The following AGBL4 variants were observed in gnomAD, a reference collection of about 807,000 sequenced individuals.
AGBL4 encodes cytosolic carboxypeptidase 6.
AGBL4 carries 58 observed loss-of-function variants against 66.4 expected under a neutral mutation model. That is an observed-to-expected ratio of 0.87 (90% CI 0.71 to 1.09). The LOEUF is 1.09. Ranked by LOEUF, AGBL4 falls within the 50% of genes least tolerant of loss-of-function variation. The pLI is 0.00. For synonymous variants in AGBL4, 234 were observed against 222.9 expected (o/e 1.05, Z -0.44); for missense variants, 579 against 631.0 (o/e 0.92, Z 0.88).
At chr1:48,697,944 T>C (rs1014650610) in intron 6 of AGBL4, among the ~76,000 whole-genome samples, 1 of 152,236 alleles carries the variant, frequency 6.6e-6, no homozygotes, top group Non-Finnish European at 1.5e-5. Context: ...AGCCTGACTC[T>C]GGTCACAACT....
Position 48,631,871 on chromosome 1 carries a change from A to G in AGBL4, c.951+2622T>C, listed in dbSNP as rs114250792. ...CAGGACAGTAGGTATAAACCAGGAA[A>G]GCCAAGACTTATGACCATTCTACCT... On this transcript the variant is annotated intron_variant, in intron 9 of 13. Transcript: ENST00000371839. Among the ~76,000 whole-genome samples, 1,025 of 152,286 alleles carry G rather than the reference A, an allele frequency of 6.7e-3. 11 individuals carry two copies. The highest frequency in any genetic ancestry group is 0.034 in the Middle Eastern group (10 of 294).
chr1:48,830,723 T>C (rs1310619704), intron 6 of AGBL4, among the ~76,000 whole-genome samples: 1 of 152,210 alleles, frequency 6.6e-6, no homozygotes, highest in Non-Finnish European at 1.5e-5. Flanking sequence ...AGCTAATCAA[T>C]AAATAACTTT....
chr1:49,812,720 A>G (rs1483758116), intron 2 of AGBL4, among the ~76,000 whole-genome samples: 1 of 152,150 alleles, frequency 6.6e-6, no homozygotes, highest in Non-Finnish European at 1.5e-5. Flanking sequence ...GGTTTCCTTG[A>G]TAAATGTTAA....
At chr1:48,632,089 T>C (rs1004208753) in intron 9 of AGBL4, among the ~76,000 whole-genome samples, 38 of 151,772 alleles carry the variant, frequency 2.5e-4, no homozygotes, top group African/African-American at 8.9e-4. Flanking sequence ...AAGGAAAAAA[T>C]GGAGTAAAAG....
chr1:48,624,586 G>A (rs184363431), intron 9 of AGBL4, among the ~76,000 whole-genome samples: 3 of 152,316 alleles, frequency 2.0e-5, no homozygotes, highest in East Asian at 3.9e-4. Context: ...CTAGAGAGAC[G>A]GCATTTTGAT....
At chr1:49,277,893 CT>C in intron 3 of AGBL4, among the ~76,000 whole-genome samples, 1 of 152,268 alleles carries the variant, frequency 6.6e-6, no homozygotes, top group African/African-American at 2.4e-5. Context: ...GCAAGCACTA[CT>C]TTTTAGTACA....
chr1:49,857,136 C>T (rs1646455602), intron 1 of AGBL4, among the ~76,000 whole-genome samples: 2 of 151,812 alleles, frequency 1.3e-5, no homozygotes, highest in Non-Finnish European at 2.9e-5. Flanking sequence ...ACAATAGCTA[C>T]AAAAAATTGA....
chr1:49,620,578 G>C (rs149752940), intron 3 of AGBL4, among the ~76,000 whole-genome samples: 1 of 152,198 alleles, frequency 6.6e-6, no homozygotes, highest in African/African-American at 2.4e-5. Flanking sequence ...CAAGGACCTA[G>C]AACCAAAAAT....
downstream of AGBL4, among the ~76,000 whole-genome samples, chr1:48,529,424 AG>A (rs556478295): frequency 6.9e-4 from 105 of 152,262 alleles, no homozygotes; most frequent in Non-Finnish European, 1.2e-3. Context: ...TATAGGAAGT[AG>A]ATATTATTCA....
intron 11 of AGBL4, among the ~76,000 whole-genome samples, chr1:48,557,660 G>A (rs937194165): frequency 6.6e-6 from 1 of 152,200 alleles, no homozygotes; most frequent in African/African-American, 2.4e-5. Context: ...AGAAGGATCC[G>A]GTTCCTTTGA....
At chr1:48,834,174 A>C (rs759443481) in intron 6 of AGBL4, among the ~76,000 whole-genome samples, 3 of 152,106 alleles carry the variant, frequency 2.0e-5, no homozygotes, top group Non-Finnish European at 2.9e-5. Context: ...AGCACATAAC[A>C]TATGTCTGGT....
At chr1:48,772,075 C>A (rs560786044) in intron 6 of AGBL4, among the ~76,000 whole-genome samples, 1 of 152,194 alleles carries the variant, frequency 6.6e-6, no homozygotes, top group Non-Finnish European at 1.5e-5. Flanking sequence ...ATGAGTTCAA[C>A]ATGGGCACAC....
At chr1:49,839,877 G>T (rs922174545) in intron 2 of AGBL4, among the ~76,000 whole-genome samples, 5 of 152,112 alleles carry the variant, frequency 3.3e-5, no homozygotes, top group African/African-American at 4.8e-5. Flanking sequence ...GAAATTCCAC[G>T]AGGGACAAGA....
intron 5 of AGBL4, among the ~76,000 whole-genome samples, chr1:49,001,255 T>C (rs560780742): frequency 2.3e-4 from 35 of 152,330 alleles, no homozygotes; most frequent in Non-Finnish European, 4.4e-4. Flanking sequence ...ACATGACCCT[T>C]TAGATAATGG....
rs1161610447 is a variant in AGBL4 at position 48,674,475 on chromosome 1, CAGAG to C, written c.635-11238_635-11235del. 8.7e-5 allele frequency among the ~76,000 whole-genome samples: 12 copies of C among 137,276 alleles called. No homozygotes were observed. In the Admixed American group the frequency reaches 1.1e-3, roughly 12 times the overall value. 90.1% of individuals were successfully genotyped at this position (137,276 alleles called of 152,430 possible). A position where few individuals can be genotyped will look rare whatever the true frequency, so the allele number is the denominator to read the frequency against. On this transcript the variant is annotated intron_variant, in intron 6 of 13. Transcript: ENST00000371839. ...CTCACCCCAAGCCGTCGTTCACTCA[CAGAG>C]AGGCCACAGAATGCTGTAGGTGGGC...
At chr1:48,996,622 CT>C (rs1661013485) in intron 5 of AGBL4, among the ~76,000 whole-genome samples, 1 of 151,996 alleles carries the variant, frequency 6.6e-6, no homozygotes, top group South Asian at 2.1e-4. Context: ...GGATGATGGT[CT>C]AAGATGATCT....
chr1:48,633,123 C>G (rs1645617781), intron 9 of AGBL4, among the ~76,000 whole-genome samples: 1 of 152,178 alleles, frequency 6.6e-6, no homozygotes, highest in South Asian at 2.1e-4. Flanking sequence ...CAAGACCTGA[C>G]ACAGAAGGTA....
intron 5 of AGBL4, among the ~76,000 whole-genome samples, chr1:48,880,068 G>A (rs1168176918): frequency 1.3e-5 from 2 of 152,092 alleles, no homozygotes; most frequent in African/African-American, 4.8e-5. Flanking sequence ...CCCACCACCT[G>A]AGCAGTATAC....
At chr1:49,841,725 G>C (rs1462001987) in intron 2 of AGBL4, 2 of 261,350 alleles carry the variant, frequency 7.7e-6, no homozygotes, top group Admixed American at 5.1e-5. Context: ...TGACTTGGGT[G>C]CTGTTAAAGG....
Sources: gnomAD v4.1 joint callset for allele counts (sites outside exome capture counted in the v4.1 genomes callset) on GRCh38, gnomAD v4.1.1 for gene constraint, MANE v1.5 for transcripts, NCBI Gene and HGNC (gene_info 2026-07-23, HGNC 2026-07-21) for gene names.